Variants in CBL observed in about 807,000 individuals in gnomAD.
CBL encodes E3 ubiquitin-protein ligase CBL.
In CBL, 45 loss-of-function variants were observed where a neutral mutation model predicts 96.9. That is an observed-to-expected ratio of 0.46 (90% CI 0.37 to 0.60). The LOEUF (loss-of-function observed/expected upper bound fraction) is 0.60. Ranked by LOEUF, CBL falls within the 20% of genes least tolerant of loss-of-function variation. The pLI is 0.00. For synonymous variants in CBL, 420 were observed against 426.8 expected, an observed-to-expected ratio of 0.98 and a Z score of 0.20; for missense variants, 1,024 against 1,143.5, an observed-to-expected ratio of 0.90 and a Z score of 1.51.
intron 12 of CBL, among the ~76,000 whole-genome samples, chr11:119,296,183 T>A (rs1950061308): frequency 6.6e-6 from 1 of 152,194 alleles, no homozygotes; most frequent in Non-Finnish European, 1.5e-5. Context: ...GTAGCATCTT[T>A]AGGATATGCA....
At chr11:119,241,892 A>G (rs1949589047) in intron 2 of CBL, among the ~76,000 whole-genome samples, 2 of 152,230 alleles carry the variant, frequency 1.3e-5, no homozygotes, top group South Asian at 4.1e-4. Flanking sequence ...TAAAGCTAAC[A>G]TACCAGGACT....
At chr11:119,259,217 A>C (rs1252421194) in intron 2 of CBL, among the ~76,000 whole-genome samples, 1 of 151,928 alleles carries the variant, frequency 6.6e-6, no homozygotes, top group Non-Finnish European at 1.5e-5. Flanking sequence ...GTATGTGATG[A>C]TATTATTGGC....
intron 2 of CBL, among the ~76,000 whole-genome samples, chr11:119,234,409 A>G (rs76124529): frequency 0.029 from 4,390 of 152,288 alleles, 97 homozygotes; most frequent in South Asian, 0.069. Context: ...AAATATTCAG[A>G]TTTTGTAACT....
intron 1 of CBL, among the ~76,000 whole-genome samples, chr11:119,222,819 A>G (rs894091660): frequency 2.0e-5 from 3 of 152,080 alleles, no homozygotes; most frequent in African/African-American, 4.8e-5. Context: ...ACCATTTTTT[A>G]AAAGAGGTTA....
At chr11:119,224,096 T>C (rs995788401) in intron 1 of CBL, among the ~76,000 whole-genome samples, 25 of 152,076 alleles carry the variant, frequency 1.6e-4, no homozygotes, top group African/African-American at 6.0e-4. Flanking sequence ...AACCAGACAT[T>C]TAGTATACAA....
chr11:119,290,146 A>G (rs969381259), intron 12 of CBL, among the ~76,000 whole-genome samples: 2 of 151,994 alleles, frequency 1.3e-5, no homozygotes, highest in Non-Finnish European at 2.9e-5. Context: ...CCCAGGCTCA[A>G]GTGATCCTCC....
chr11:119,294,069 A>G (rs1330262182), intron 12 of CBL, among the ~76,000 whole-genome samples: 1 of 152,224 alleles, frequency 6.6e-6, no homozygotes, highest in Non-Finnish European at 1.5e-5. Context: ...TATATTGCCA[A>G]CATGCTTTGT....
At chr11:119,249,753 C>G (rs1177221836) in intron 2 of CBL, among the ~76,000 whole-genome samples, 1 of 151,342 alleles carries the variant, frequency 6.6e-6, no homozygotes, top group African/African-American at 2.4e-5. Context: ...CTCCTGGGCT[C>G]AAGTATCGAT....
rs144077255 is a variant in CBL at position 119,228,906 on chromosome 11, G to A, written c.196-3542G>A. 6.2e-3 allele frequency among the ~76,000 whole-genome samples: 941 copies of A among 151,842 alleles called. 9 individuals carry two copies. The highest frequency in any genetic ancestry group is 0.022 in the African/African-American group (894 of 41,360). ...GCTCACTGCAAACTTTGCTTCCCGG[G>A]TTCAAGTGATTCTCCTGCCTCAGCC... On this transcript the variant is annotated intron_variant, in intron 1 of 15. Coordinates refer to ENST00000264033, the MANE Select transcript of CBL (RefSeq NM_005188.4).
chr11:119,305,042 G>A lies in CBL; in HGVS notation c.*5261G>A, dbSNP rs913443260. The A allele has an allele frequency of 4.6e-6, 1 of 216,906 alleles. No individual in the cohort carries two copies. The highest frequency in any genetic ancestry group is 2.3e-5 in the African/African-American group (1 of 44,426). 13.4% of individuals were successfully genotyped at this position (216,906 alleles called of 1,614,324 possible). ...GATGTGGCAGGCTCCTTCAGCTGGA[G>A]ACAGGGAGCTTCTCAGAGAAGTGAG... is the stretch of plus-strand genomic sequence containing the variant. On this transcript the variant is annotated 3_prime_UTR_variant, in exon 16 of 16. Coordinates refer to ENST00000264033, the MANE Select transcript of CBL (RefSeq NM_005188.4).
intron 1 of CBL, among the ~76,000 whole-genome samples, chr11:119,226,877 A>C (rs1438405491): frequency 6.6e-6 from 1 of 152,218 alleles, no homozygotes; most frequent in Non-Finnish European, 1.5e-5. Context: ...CTTTAGCATA[A>C]TGTCTCTTTG....
At chr11:119,222,552 A>G in intron 1 of CBL, among the ~76,000 whole-genome samples, 1 of 152,216 alleles carries the variant, frequency 6.6e-6, no homozygotes, top group Non-Finnish European at 1.5e-5. Flanking sequence ...GCAGAAGTAA[A>G]CAAAAGGCAG....
At chr11:119,210,613 T>TCAA (rs1949308757) in intron 1 of CBL, among the ~76,000 whole-genome samples, 1 of 146,524 alleles carries the variant, frequency 6.8e-6, no homozygotes, top group Non-Finnish European at 1.5e-5. Context: ...ATTTTTTTTT[T>TCAA]TTTTTTTTTT....
chr11:119,269,346 C>CAAGAG (rs1200496589), intron 2 of CBL, among the ~76,000 whole-genome samples: 1 of 147,806 alleles, frequency 6.8e-6, no homozygotes, highest in Non-Finnish European at 1.5e-5. Flanking sequence ...TCAGCCTCTT[C>CAAGAG]AGTAGCTGGG....
rs767643632 is a variant in CBL, at chr11:119,280,855, T to A, written c.1431+2142T>A. ...ACTCCATATCCTCCCACTACAGTTA[T>A]TTGAATTTGGCTTAGTACTAGTGTT... On this transcript the variant is annotated intron_variant, in intron 9 of 15. Coordinates refer to ENST00000264033, the MANE Select transcript of CBL (RefSeq NM_005188.4). Among the ~76,000 whole-genome samples, 92 of 152,194 alleles carry A rather than the reference T, an allele frequency of 6.0e-4. 1 individual carries two copies. Among genetic ancestry groups the A allele is most frequent in the Non-Finnish European group, 6.8e-4 (46 of 68,032 alleles).
intron 2 of CBL, among the ~76,000 whole-genome samples, chr11:119,234,506 C>A (rs1949527274): frequency 2.6e-5 from 4 of 152,176 alleles, no homozygotes; most frequent in Non-Finnish European, 5.9e-5. Context: ...AATTTTAATT[C>A]ATGAGGTACC....
Position 119,285,497 on chromosome 11 carries a change from G to A in CBL, c.1872G>A (p.Leu624=). 1 of 1,614,080 alleles carries A rather than the reference G, an allele frequency of 6.2e-7. No homozygotes were observed. Among genetic ancestry groups the A allele is most frequent in the South Asian group, 1.1e-5 (1 of 91,076 alleles). Residue 624 remains leucine, a synonymous_variant, in exon 11 of 16, where the codon TTG becomes TTA. Coordinates refer to ENST00000264033, the MANE Select transcript of CBL (RefSeq NM_005188.4). The part of the protein sequence containing the change: ...LTNRHSLPFS[L]PSQMEPRPDV... Reference sequence around the variant, plus strand: ...ACCGGCACTCACTTCCATTTTCATTGCCCTCACAAATGGAGCCCAGACCAG... The same window carrying A: ...ACCGGCACTCACTTCCATTTTCATTACCCTCACAAATGGAGCCCAGACCAG...
At chr11:119,213,111 A>T (rs923135640) in intron 1 of CBL, among the ~76,000 whole-genome samples, 1 of 152,058 alleles carries the variant, frequency 6.6e-6, no homozygotes, top group Non-Finnish European at 1.5e-5. Context: ...CACTGCGCCC[A>T]GCCAAGAAAG....
At chr11:119,283,625 C>CTTTCTTTTTTTT (rs1949955222) in intron 9 of CBL, among the ~76,000 whole-genome samples, 3 of 45,512 alleles carry the variant, frequency 6.6e-5, no homozygotes, top group African/African-American at 2.3e-4. Context: ...TTAATTCTTT[C>CTTTCTTTTTTTT]TTTTTTTTTT....
Sources: allele counts gnomAD v4.1 joint callset (sites outside exome capture counted in the v4.1 genomes callset), GRCh38; gene constraint gnomAD v4.1.1; transcripts MANE v1.5; gene names NCBI Gene and HGNC (gene_info 2026-07-23, HGNC 2026-07-21).